CERS6: variants seen among roughly 807,000 people sequenced by gnomAD.
CERS6 encodes the protein LAG1 homolog, ceramide synthase 6.
A neutral mutation model predicts 56.8 loss-of-function variants in CERS6; 26 were observed. The ratio of observed to expected loss-of-function variants is 0.46; its 90% confidence interval spans 0.34 to 0.63. CERS6 has a LOEUF of 0.63. Among genes scored for constraint, CERS6 ranks in the 30% least tolerant of loss-of-function variants. The probability of loss-of-function intolerance (pLI) is 0.01; values close to 1 mark genes in which losing one functional copy is unlikely to be tolerated. For synonymous variants in CERS6, 164 were observed against 173.3 expected (o/e 0.95, Z 0.42); for missense variants, 415 against 467.5 (o/e 0.89, Z 1.04).
chr2:168,644,394 A>G (rs1329424833), intron 4 of CERS6: 1 of 980,010 alleles, frequency 1.0e-6, no homozygotes, highest in African/African-American at 1.8e-5. Flanking sequence ...GAGAATGATG[A>G]GAGGCAAGTG....
In CERS6 at chr2:168,630,972, T is replaced by TA; in HGVS notation, c.408-11dup. ...AAACTGAATGTCACAGATTTTTTTT[T>TA]AACCTTCTACAGGTGGAGATTTTCA... On this transcript the variant is annotated splice_polypyrimidine_tract_variant and intron_variant, in intron 3 of 9. Transcript: ENST00000305747. The TA allele has an allele frequency of 7.1e-7, 1 of 1,403,546 alleles. No individual in the cohort carries two copies. Among genetic ancestry groups the TA allele is most frequent in the Non-Finnish European group, 9.8e-7 (1 of 1,015,626 alleles). The allele number at this position is 1,403,546 out of a possible 1,614,324, so 86.9% of individuals were successfully genotyped here.
At chr2:168,482,729 C>A (rs1040208497) in intron 1 of CERS6, among the ~76,000 whole-genome samples, 2 of 152,208 alleles carry the variant, frequency 1.3e-5, no homozygotes, top group Non-Finnish European at 2.9e-5. Context: ...AGTTTGCAGG[C>A]TTATTTTTAA....
At chr2:168,492,082 G>A (rs1001289748) in intron 1 of CERS6, among the ~76,000 whole-genome samples, 62 of 152,226 alleles carry the variant, frequency 4.1e-4, no homozygotes, top group African/African-American at 1.3e-3. Flanking sequence ...GTAAACATAC[G>A]TGTGCATGTG....
At chr2:168,461,530 A>G (rs62175788) in intron 1 of CERS6, among the ~76,000 whole-genome samples, 19,829 of 151,258 alleles carry the variant, frequency 0.13, 1,618 homozygotes, top group Non-Finnish European at 0.19. Context: ...ATGACAGTGG[A>G]TGTTTTGTTG....
At chr2:168,530,225 C>T (rs115423960) in intron 1 of CERS6, among the ~76,000 whole-genome samples, 2,306 of 152,266 alleles carry the variant, frequency 0.015, 39 homozygotes, top group African/African-American at 0.053. Context: ...GTTGCCAAAT[C>T]GCATTCAGTG....
intron 6 of CERS6, among the ~76,000 whole-genome samples, chr2:168,703,590 C>A (rs1210216418): frequency 1.3e-5 from 2 of 151,944 alleles, no homozygotes; most frequent in Non-Finnish European, 1.5e-5. Context: ...AAGTGACTCC[C>A]AGGTAGTGCC....
At chr2:168,561,620 C>T (rs984505607) in intron 3 of CERS6, among the ~76,000 whole-genome samples, 1 of 152,128 alleles carries the variant, frequency 6.6e-6, no homozygotes, top group Non-Finnish European at 1.5e-5. Flanking sequence ...AAAGTTGTTA[C>T]TTTTATAGAT....
intron 3 of CERS6, among the ~76,000 whole-genome samples, chr2:168,613,654 G>A (rs1158729290): frequency 1.3e-5 from 2 of 152,204 alleles, no homozygotes; most frequent in South Asian, 2.1e-4. Flanking sequence ...TATCATAGGT[G>A]TAAACACTGT....
chr2:168,714,004 G>T (rs181309334), intron 6 of CERS6, among the ~76,000 whole-genome samples: 12 of 152,286 alleles, frequency 7.9e-5, no homozygotes, highest in Middle Eastern at 3.4e-3. Context: ...AACAGAAATT[G>T]ATTTCTTATA....
chr2:168,686,356 G>A (rs74760130), intron 4 of CERS6, among the ~76,000 whole-genome samples: 5,265 of 150,160 alleles, frequency 0.035, 128 homozygotes, highest in East Asian at 0.14. Flanking sequence ...CCTTCCAAAG[G>A]CCTTATCTTC....
In CERS6 at chr2:168,657,864, G is replaced by A. The variant is rs551664830; in HGVS notation, c.465+26822G>A. On this transcript the variant is annotated intron_variant, in intron 4 of 9. Transcript: ENST00000305747. ...GGCTGAGGAAGTGGGCTCTGGCCTT[G>A]GCCAGCCCAGAAAGTGGCTCCCACA... Among the ~76,000 whole-genome samples, 7 of 152,352 alleles carry A rather than the reference G, an allele frequency of 4.6e-5. No individual in the cohort carries two copies. In the South Asian group the frequency reaches 1.4e-3, roughly 32 times the overall value.
rs1374001480 is a variant in CERS6, at chr2:168,542,120, T to C, written c.171-5476T>C. Among the ~76,000 whole-genome samples the C allele has an allele frequency of 2.0e-5, 3 of 152,288 alleles. No homozygotes were observed. The East Asian group carries it at 5.8e-4, about 29-fold the overall frequency. Reference sequence around the variant, plus strand: ...CTCCAGAGCCCTCAGGTAGTGTTTGTTTGTTTTTGTTTGGGTGGAGAGAGT... The same window carrying C: ...CTCCAGAGCCCTCAGGTAGTGTTTGCTTGTTTTTGTTTGGGTGGAGAGAGT... On this transcript the variant is annotated intron_variant, in intron 1 of 9. Coordinates refer to ENST00000305747, the MANE Select transcript of CERS6 (RefSeq NM_203463.3).
intron 4 of CERS6, among the ~76,000 whole-genome samples, chr2:168,666,537 A>G (rs961465904): frequency 2.0e-5 from 3 of 152,176 alleles, no homozygotes; most frequent in Non-Finnish European, 2.9e-5. Context: ...CATTGTGTGT[A>G]TATACCACAG....
chr2:168,769,373 T>C, intron 9 of CERS6, 137 bp from the exon 10 acceptor site: 1 of 730,046 alleles, frequency 1.4e-6, no homozygotes, highest in Non-Finnish European at 2.2e-6. Flanking sequence ...CTTATTGCTC[T>C]GGCAATGTTC....
At chr2:168,460,268 C>G (rs1693755214) in intron 1 of CERS6, among the ~76,000 whole-genome samples, 1 of 151,716 alleles carries the variant, frequency 6.6e-6, no homozygotes, top group Admixed American at 6.6e-5. Context: ...GATCATGGCT[C>G]ACTGCAACCT....
chr2:168,617,946 C>T (rs1417134889), intron 3 of CERS6, among the ~76,000 whole-genome samples: 1 of 152,162 alleles, frequency 6.6e-6, no homozygotes, highest in Non-Finnish European at 1.5e-5. Context: ...AAACTACAGA[C>T]CAATATCCCT....
At position 168,641,307 on chromosome 2, in the gene CERS6, C is replaced by T. The variant is rs115531627; in HGVS notation, c.465+10265C>T. On this transcript the variant is annotated intron_variant, in intron 4 of 9. Coordinates refer to ENST00000305747, the MANE Select transcript of CERS6 (RefSeq NM_203463.3). ...TTAAACTGATTGTAATCAGTTTAAC[C>T]GATTTGTTCTTGAGAGTTCTTCCCT... Among the ~76,000 whole-genome samples the T allele has an allele frequency of 2.3e-3, 355 of 152,056 alleles. 1 individual carries two copies. The highest frequency in any genetic ancestry group is 7.5e-3 in the African/African-American group (313 of 41,458).
chr2:168,634,816 G>A (rs1301736678), intron 4 of CERS6, among the ~76,000 whole-genome samples: 5 of 152,160 alleles, frequency 3.3e-5, no homozygotes, highest in Non-Finnish European at 7.3e-5. Context: ...TCAGTCAGGG[G>A]TCCATAGGAG....
In CERS6 at chr2:168,657,850, T is replaced by C. The variant is rs113241051; in HGVS notation, c.465+26808T>C. ...CACACCTCCCTGCAGGCTGAGGAAG[T>C]GGGCTCTGGCCTTGGCCAGCCCAGA... On this transcript the variant is annotated intron_variant, in intron 4 of 9. Coordinates refer to ENST00000305747, the MANE Select transcript of CERS6 (RefSeq NM_203463.3). 9.4e-3 allele frequency among the ~76,000 whole-genome samples: 1,435 copies of C among 152,282 alleles called. 19 individuals carry two copies. The highest frequency in any genetic ancestry group is 0.022 in the African/African-American group (908 of 41,556).
Sources: gnomAD v4.1 joint callset for allele counts (sites outside exome capture counted in the v4.1 genomes callset) on GRCh38, gnomAD v4.1.1 for gene constraint, MANE v1.5 for transcripts, NCBI Gene and HGNC (gene_info 2026-07-23, HGNC 2026-07-21) for gene names.